MCTP2: variants seen among roughly 807,000 people sequenced by gnomAD.
MCTP2 encodes multiple C2 and transmembrane domain-containing protein 2.
In MCTP2, 132 loss-of-function variants were observed where a neutral mutation model predicts 111.6. The ratio of observed to expected loss-of-function variants is 1.18; its 90% CI spans 1.03 to 1.37. The LOEUF is 1.37. Among genes scored for constraint, MCTP2 ranks in the 40% most tolerant of loss-of-function variants. The pLI, the probability that MCTP2 is intolerant of heterozygous loss-of-function variation, is 0.00. For synonymous variants in MCTP2, 395 were observed against 387.7 expected (o/e 1.02, Z -0.22); for missense variants, 1,183 against 1,067.9 (o/e 1.11, Z -1.50).
intron 17 of MCTP2, among the ~76,000 whole-genome samples, chr15:94,437,058 G>A (rs541030655): frequency 6.8e-6 from 1 of 147,236 alleles, no homozygotes; most frequent in African/African-American, 2.5e-5. Flanking sequence ...TTAAATAAAG[G>A]AAAGTTGATG....
At chr15:94,402,599 A>G in intron 17 of MCTP2, 2 of 1,551,200 alleles carry the variant, frequency 1.3e-6, no homozygotes, top group Non-Finnish European at 1.7e-6. Context: ...AAGAGATCTT[A>G]AAACCACCTA....
intron 1 of MCTP2, among the ~76,000 whole-genome samples, chr15:94,252,632 A>ATTTTT (rs201850560): frequency 8.9e-5 from 13 of 146,666 alleles, no homozygotes; most frequent in African/African-American, 3.0e-4. Flanking sequence ...TGGTTTACAG[A>ATTTTT]TTTTTTTTTT....
chr15:94,418,868 A>C (rs574482737), intron 17 of MCTP2, among the ~76,000 whole-genome samples: 1 of 152,276 alleles, frequency 6.6e-6, no homozygotes, highest in Admixed American at 6.5e-5. Flanking sequence ...AATGTCCATT[A>C]ATGTATTCTA....
intron 20 of MCTP2, among the ~76,000 whole-genome samples, chr15:94,464,257 T>TATATATATATATA (rs4001978): frequency 2.0e-4 from 9 of 44,962 alleles, no homozygotes; most frequent in African/African-American, 4.2e-4. Context: ...TATATATATA[T>TATATATATATATA]TATATATATA....
At position 94,476,496 on chromosome 15, in the gene MCTP2, T is replaced by G. The variant is rs2074361631; in HGVS notation, c.2471-200T>G. On this transcript the variant is annotated intron_variant, in intron 21 of 22. Coordinates refer to ENST00000357742, the MANE Select transcript of MCTP2 (RefSeq NM_001385001.1). ...ACATGACAGCAACATGTGCTTGACT[T>G]GAGGTCTGGTAATTGTTTTCACACT... is the stretch of plus-strand genomic sequence containing the variant. 6 of 428,066 alleles carry G rather than the reference T, an allele frequency of 1.4e-5. No individual in the cohort carries two copies. In the South Asian group the frequency reaches 1.7e-4, roughly 12 times the overall value. 26.5% of individuals were successfully genotyped at this position (428,066 alleles called of 1,614,324 possible). A position where few individuals can be genotyped will look rare whatever the true frequency, so the allele number is the denominator to read the frequency against.
At chr15:94,431,698 A>AT (rs533299984) in intron 17 of MCTP2, among the ~76,000 whole-genome samples, 37 of 152,056 alleles carry the variant, frequency 2.4e-4, no homozygotes, top group East Asian at 2.1e-3. Flanking sequence ...TTAACCCTGG[A>AT]TTTTTTTTGA....
At position 94,324,276 on chromosome 15, in the gene MCTP2, T is replaced by G. The variant is rs79552388; in HGVS notation, c.637+8639T>G. Among the ~76,000 whole-genome samples, 709 of 152,336 alleles carry G rather than the reference T, an allele frequency of 4.7e-3. 2 individuals are homozygous for G. Among genetic ancestry groups the G allele is most frequent in the African/African-American group, 0.016 (683 of 41,566 alleles). ...TGTGCAAAATGCTCAGCTCATACCC[T>G]GTTGGCTCGTAGAGCGCTAATACGT... On this transcript the variant is annotated intron_variant, in intron 4 of 22. Coordinates refer to ENST00000357742, the MANE Select transcript of MCTP2 (RefSeq NM_001385001.1).
At chr15:94,303,244 A>G (rs2075727602) in intron 2 of MCTP2, among the ~76,000 whole-genome samples, 1 of 151,436 alleles carries the variant, frequency 6.6e-6, no homozygotes, top group African/African-American at 2.4e-5. Context: ...TAGGCCATCT[A>G]CAGGCTGAGG....
chr15:94,371,770 C>T (rs185338420), intron 12 of MCTP2, among the ~76,000 whole-genome samples: 5 of 152,248 alleles, frequency 3.3e-5, no homozygotes, highest in Admixed American at 3.3e-4. Flanking sequence ...CTCACTGCAA[C>T]CTCCGCCTAC....
intron 1 of MCTP2, among the ~76,000 whole-genome samples, chr15:94,272,439 T>A (rs1444286596): frequency 1.3e-5 from 2 of 152,154 alleles, no homozygotes; most frequent in African/African-American, 4.8e-5. Flanking sequence ...TCCAGCCTCT[T>A]CTGCTCGACC....
intron 17 of MCTP2, among the ~76,000 whole-genome samples, chr15:94,412,530 G>A (rs1302925017): frequency 6.6e-6 from 1 of 152,050 alleles, no homozygotes; most frequent in African/African-American, 2.4e-5. Context: ...ATGATGACAA[G>A]GATGATGATG....
chr15:94,416,279 C>A (rs2082375825), intron 17 of MCTP2, among the ~76,000 whole-genome samples: 1 of 151,486 alleles, frequency 6.6e-6, no homozygotes, highest in Non-Finnish European at 1.5e-5. Flanking sequence ...TAAAGAAATT[C>A]TTGTTTGTCC....
intron 7 of MCTP2, chr15:94,341,504 G>A (rs1277997648): frequency 6.6e-6 from 1 of 152,174 alleles, no homozygotes; most frequent in Non-Finnish European, 1.5e-5. Context: ...TGAAGTACCT[G>A]CTTTTTAAGA....
chr15:94,400,027 G>A, intron 16 of MCTP2, 32 bp downstream of exon 16: 1 of 1,583,790 alleles, frequency 6.3e-7, no homozygotes, highest in African/African-American at 1.3e-5. Flanking sequence ...CTTGTTGATT[G>A]GTACACTCAG....
At chr15:94,312,895 T>G (rs1003838235) in intron 2 of MCTP2, among the ~76,000 whole-genome samples, 1 of 152,148 alleles carries the variant, frequency 6.6e-6, no homozygotes, top group African/African-American at 2.4e-5. Context: ...TTCTTGAAGC[T>G]GCACTGGACA....
At chr15:94,270,261 C>T (rs1296645783) in intron 1 of MCTP2, among the ~76,000 whole-genome samples, 1 of 152,138 alleles carries the variant, frequency 6.6e-6, no homozygotes, top group African/African-American at 2.4e-5. Context: ...GATAGAGAGG[C>T]TTCAATTTCG....
chr15:94,276,048 G>T (rs538373199), intron 1 of MCTP2, among the ~76,000 whole-genome samples: 4 of 152,074 alleles, frequency 2.6e-5, no homozygotes, highest in Admixed American at 6.5e-5. Context: ...ATTTCACCGT[G>T]TTAGCCAGGA....
chr15:94,298,762 GTCTC>G (rs752096854), intron 2 of MCTP2, 32 bp downstream of exon 2: 434 of 1,269,146 alleles, frequency 3.4e-4, no homozygotes, highest in South Asian at 5.7e-4. Flanking sequence ...CTTTTTTTTT[GTCTC>G]TCTCTCTCTC....
At chr15:94,244,633 C>T (rs955390193) in intron 1 of MCTP2, among the ~76,000 whole-genome samples, 1 of 146,368 alleles carries the variant, frequency 6.8e-6, no homozygotes, top group Non-Finnish European at 1.5e-5. Context: ...TACATATGCA[C>T]CTATGTTTAT....
Sources: gnomAD v4.1 joint callset for allele counts (sites outside exome capture counted in the v4.1 genomes callset) on GRCh38, gnomAD v4.1.1 for gene constraint, MANE v1.5 for transcripts, NCBI Gene and HGNC (gene_info 2026-07-23, HGNC 2026-07-21) for gene names.